ADAMTS6: variants seen among roughly 807,000 people sequenced by gnomAD.
ADAMTS6 encodes A disintegrin and metalloproteinase with thrombospondin motifs 6.
ADAMTS6 carries 23 observed loss-of-function variants against 144.3 expected under a neutral mutation model. The ratio of observed to expected loss-of-function variants is 0.16; its 90% CI spans 0.11 to 0.23. ADAMTS6 has a LOEUF of 0.23. ADAMTS6 is among the 10% of genes least tolerant of loss of function. The pLI is 1.00. For missense variants in ADAMTS6, 999 were observed against 1,379.6 expected (o/e 0.72, Z 4.37); for synonymous variants, 444 against 457.5 (o/e 0.97, Z 0.38).
intron 4 of ADAMTS6, among the ~76,000 whole-genome samples, chr5:65,456,510 T>A (rs1038322659): frequency 1.3e-5 from 2 of 152,218 alleles, no homozygotes; most frequent in Non-Finnish European, 2.9e-5. Flanking sequence ...ACTTACTACT[T>A]CTGGACAGTT....
intron 24 of ADAMTS6, among the ~76,000 whole-genome samples, chr5:65,164,428 T>C (rs1309605): frequency 0.74 from 107,102 of 144,856 alleles, 40,194 homozygotes; most frequent in African/African-American, 0.85. Context: ...TGAGATCAAA[T>C]TGCAAGGCGG....
intron 20 of ADAMTS6, among the ~76,000 whole-genome samples, chr5:65,206,844 A>T (rs928277047): frequency 7.3e-4 from 75 of 102,578 alleles, no homozygotes; most frequent in African/African-American, 9.4e-4. Context: ...TCTCTCACAC[A>T]CACACACACA....
intron 7 of ADAMTS6, among the ~76,000 whole-genome samples, chr5:65,383,382 G>T (rs1447866191): frequency 6.6e-6 from 1 of 152,116 alleles, no homozygotes; most frequent in African/African-American, 2.4e-5. Context: ...AAAATACAAT[G>T]GTGGGTCAGG....
chr5:65,285,500 C>G (rs1307183035), intron 11 of ADAMTS6, among the ~76,000 whole-genome samples: 3 of 152,186 alleles, frequency 2.0e-5, no homozygotes, highest in Non-Finnish European at 4.4e-5. Context: ...ATGGCAGTTA[C>G]ACTCCCATTA....
chr5:65,212,061 C>T (rs2112314236), intron 20 of ADAMTS6, among the ~76,000 whole-genome samples: 1 of 152,290 alleles, frequency 6.6e-6, no homozygotes, highest in African/African-American at 2.4e-5. Context: ...ACAAAATCAC[C>T]TGCAGGGCTT....
At chr5:65,300,943 T>C (rs1300261801) in intron 9 of ADAMTS6, among the ~76,000 whole-genome samples, 1 of 152,218 alleles carries the variant, frequency 6.6e-6, no homozygotes. Flanking sequence ...AAGTCCTTTT[T>C]CTCATTAATA....
chr5:65,341,771 G>A (rs780050846), intron 7 of ADAMTS6, among the ~76,000 whole-genome samples: 2 of 152,104 alleles, frequency 1.3e-5, no homozygotes, highest in Non-Finnish European at 2.9e-5. Flanking sequence ...CTTCTAAGAA[G>A]GGTAAGTACC....
chr5:65,238,586 C>A (rs201740958), intron 15 of ADAMTS6, among the ~76,000 whole-genome samples: 1 of 150,790 alleles, frequency 6.6e-6, no homozygotes, highest in East Asian at 1.9e-4. Flanking sequence ...GACAACAGAA[C>A]CAGACCCTGT....
In ADAMTS6 at chr5:65,364,887, GGCTACTTATT is replaced by G. The variant is rs776931077; in HGVS notation, c.1074-30812_1074-30803del. On this transcript the variant is annotated intron_variant, in intron 7 of 24. Coordinates refer to ENST00000381055, the MANE Select transcript of ADAMTS6 (RefSeq NM_197941.4). ...GGCCTGCCTGATTGAATTTCTTACA[GGCTACTTATT>G]ATAGATATGATGCTCAAATCAGATC... Among the ~76,000 whole-genome samples the G allele has an allele frequency of 7.4e-3, 1,119 of 152,082 alleles. 5 individuals are homozygous for G. Among genetic ancestry groups the G allele is most frequent in the Non-Finnish European group, 0.012 (799 of 67,938 alleles).
intron 19 of ADAMTS6, 28 bp downstream of exon 19, chr5:65,215,296 A>T (rs1561287679): frequency 1.2e-6 from 2 of 1,607,476 alleles, no homozygotes; most frequent in Non-Finnish European, 1.7e-6. Context: ...TAAAAACAGA[A>T]GAAATACAAT....
At chr5:65,257,439 C>A (rs1352386355) in intron 14 of ADAMTS6, among the ~76,000 whole-genome samples, 1 of 152,100 alleles carries the variant, frequency 6.6e-6, no homozygotes, top group Non-Finnish European at 1.5e-5. Context: ...ATTTTTATGG[C>A]TTTTTAAGTT....
At chr5:65,476,947 G>T (rs1484269988) in intron 1 of ADAMTS6, among the ~76,000 whole-genome samples, 1 of 152,136 alleles carries the variant, frequency 6.6e-6, no homozygotes, top group Non-Finnish European at 1.5e-5. Context: ...TAGTTAATGT[G>T]AATAGTTTTT....
At chr5:65,347,066 T>C (rs1322807790) in intron 7 of ADAMTS6, among the ~76,000 whole-genome samples, 2 of 151,764 alleles carry the variant, frequency 1.3e-5, no homozygotes, top group African/African-American at 4.8e-5. Context: ...AATGGAAAGA[T>C]AGCCCATGTT....
At chr5:65,257,188 C>G (rs148133837) in intron 14 of ADAMTS6, among the ~76,000 whole-genome samples, 2 of 151,742 alleles carry the variant, frequency 1.3e-5, no homozygotes. Context: ...ATTTTAAGTT[C>G]CAGTAGCATC....
intron 11 of ADAMTS6, among the ~76,000 whole-genome samples, chr5:65,282,583 A>G (rs1763068472): frequency 6.6e-6 from 1 of 152,102 alleles, no homozygotes; most frequent in African/African-American, 2.4e-5. Context: ...GGGCCGCTTC[A>G]ACATATGCCA....
At chr5:65,327,425 C>A (rs1436709889) in intron 9 of ADAMTS6, among the ~76,000 whole-genome samples, 1 of 151,080 alleles carries the variant, frequency 6.6e-6, no homozygotes, top group African/African-American at 2.5e-5. Context: ...GGGGAAAAAC[C>A]TATTTTTTTT....
intron 14 of ADAMTS6, among the ~76,000 whole-genome samples, chr5:65,244,427 C>T (rs1759459300): frequency 6.6e-6 from 1 of 152,084 alleles, no homozygotes; most frequent in African/African-American, 2.4e-5. Flanking sequence ...TAACAATTCT[C>T]CTAAATGGAA....
intron 7 of ADAMTS6, among the ~76,000 whole-genome samples, chr5:65,436,973 A>G (rs1274117060): frequency 6.6e-6 from 1 of 152,206 alleles, no homozygotes; most frequent in Admixed American, 6.5e-5. Context: ...TTTACAAAAG[A>G]AAGAGGTTTA....
chr5:65,284,065 G>T (rs1266666093), intron 11 of ADAMTS6, among the ~76,000 whole-genome samples: 1 of 152,058 alleles, frequency 6.6e-6, no homozygotes. Context: ...TAGGTGGCCA[G>T]TGATATCCCC....
Sources: gnomAD v4.1 joint callset for allele counts (sites outside exome capture counted in the v4.1 genomes callset) on GRCh38, gnomAD v4.1.1 for gene constraint, MANE v1.5 for transcripts, NCBI Gene and HGNC (gene_info 2026-07-23, HGNC 2026-07-21) for gene names.